Variants in ZNF407 observed in about 807,000 individuals in gnomAD.
ZNF407 encodes zinc finger protein 407.
In ZNF407, 17 loss-of-function variants were observed where a neutral mutation model predicts 131.2. The observed-to-expected ratio is 0.13, with a 90% confidence interval of 0.09 to 0.19. The LOEUF (loss-of-function observed/expected upper bound fraction) is 0.19. Ranked by LOEUF, ZNF407 falls within the 10% of genes least tolerant of loss-of-function variation. The pLI, the probability that ZNF407 is intolerant of heterozygous loss-of-function variation, is 1.00. For missense variants in ZNF407, 2,681 were observed against 2,830.6 expected, an observed-to-expected ratio of 0.95 and a Z score of 1.20; for synonymous variants, 1,156 against 1,062.0, an observed-to-expected ratio of 1.09 and a Z score of -1.72.
chr18:74,686,094 A>T lies in ZNF407; in HGVS notation c.4802+44972A>T, dbSNP rs527640229. 5.9e-5 allele frequency among the ~76,000 whole-genome samples: 9 copies of T among 152,342 alleles called. No homozygotes were observed. In the East Asian group the frequency reaches 1.7e-3, roughly 29 times the overall value. ...ATGGCTTCCATATAAATGAGCAGTA[A>T]GCCAGCCTTCCAGCCACTGTGCGAG... On this transcript the variant is annotated intron_variant, in intron 3 of 8. Coordinates refer to ENST00000299687, the MANE Select transcript of ZNF407 (RefSeq NM_017757.3).
At chr18:74,810,147 C>T (rs1265791469) in intron 4 of ZNF407, among the ~76,000 whole-genome samples, 1 of 152,100 alleles carries the variant, frequency 6.6e-6, no homozygotes, top group Admixed American at 6.6e-5. Context: ...GTAGAGCCCT[C>T]CACTGGGATC....
intron 8 of ZNF407, among the ~76,000 whole-genome samples, chr18:74,985,818 C>T (rs903963441): frequency 2.6e-5 from 4 of 152,128 alleles, no homozygotes; most frequent in South Asian, 2.1e-4. Context: ...AAATGGACCC[C>T]GTGGCCTTCC....
At chr18:74,988,580 C>CA (rs1972680921) in intron 8 of ZNF407, among the ~76,000 whole-genome samples, 1 of 151,296 alleles carries the variant, frequency 6.6e-6, no homozygotes, top group Non-Finnish European at 1.5e-5. Flanking sequence ...AAAAATAAGA[C>CA]AAAAACCCAA....
intron 7 of ZNF407, among the ~76,000 whole-genome samples, chr18:74,901,436 A>G (rs1248519320): frequency 6.6e-6 from 1 of 152,242 alleles, no homozygotes; most frequent in African/African-American, 2.4e-5. Flanking sequence ...AGATGGTAGA[A>G]ATAATCACCA....
chr18:74,622,389 C>G (rs1300003900), intron 1 of ZNF407, among the ~76,000 whole-genome samples: 1 of 152,246 alleles, frequency 6.6e-6, no homozygotes, highest in Admixed American at 6.5e-5. Flanking sequence ...GCAGCCATTG[C>G]CCTTGCAGCT....
chr18:74,799,003 T>C (rs1388529828), intron 4 of ZNF407, among the ~76,000 whole-genome samples: 1 of 152,134 alleles, frequency 6.6e-6, no homozygotes, highest in Non-Finnish European at 1.5e-5. Context: ...TATGGTGATG[T>C]AGTTAACATC....
intron 4 of ZNF407, among the ~76,000 whole-genome samples, chr18:74,811,224 A>G (rs548028176): frequency 3.9e-4 from 60 of 152,366 alleles, no homozygotes; most frequent in African/African-American, 1.3e-3. Context: ...GGACATAAGC[A>G]GACACTTCTC....
Position 74,826,908 on chromosome 18 carries a change from A to G in ZNF407, c.4877+45406A>G, listed in dbSNP as rs80169854. Among the ~76,000 whole-genome samples the G allele has an allele frequency of 6.4e-3, 974 of 152,322 alleles. 12 individuals carry two copies. The highest frequency in any genetic ancestry group is 0.019 in the African/African-American group (794 of 41,570). ...CTGAATGAATGTTTTTAGACTTTGTATTGAATCAGTTTTCAAATTATAGAA... is the reference window on the plus strand; with the variant it reads ...CTGAATGAATGTTTTTAGACTTTGTGTTGAATCAGTTTTCAAATTATAGAA... On this transcript the variant is annotated intron_variant, in intron 4 of 8. Transcript: ENST00000299687.
At chr18:74,692,965 C>G (rs955540191) in intron 3 of ZNF407, among the ~76,000 whole-genome samples, 1 of 152,210 alleles carries the variant, frequency 6.6e-6, no homozygotes, top group African/African-American at 2.4e-5. Context: ...GGTGGATTAT[C>G]TCAGTTTCCC....
At position 74,849,961 on chromosome 18, in the gene ZNF407, C is replaced by G. The variant is rs57594602; in HGVS notation, c.4878-27236C>G. Among the ~76,000 whole-genome samples the G allele has an allele frequency of 9.6e-3, 1,467 of 152,180 alleles. 28 individuals are homozygous for G. Among genetic ancestry groups the G allele is most frequent in the African/African-American group, 0.034 (1,416 of 41,510 alleles). On this transcript the variant is annotated intron_variant, in intron 4 of 8. Transcript: ENST00000299687. The stretch of plus-strand genomic sequence containing the variant: ...AACTTATTTTCATAAGGAGGCTAAT[C>G]CTTTCAGAAGAAAGCCTTTTGACTA...
At chr18:74,692,710 G>A (rs905964264) in intron 3 of ZNF407, among the ~76,000 whole-genome samples, 2 of 152,110 alleles carry the variant, frequency 1.3e-5, no homozygotes, top group African/African-American at 4.8e-5. Context: ...GTTAGAGGGT[G>A]TTTTCTTCTT....
At chr18:74,815,026 A>T (rs1275384184) in intron 4 of ZNF407, among the ~76,000 whole-genome samples, 1 of 150,536 alleles carries the variant, frequency 6.6e-6, no homozygotes, top group Non-Finnish European at 1.5e-5. Context: ...AATTGTTATT[A>T]TAAAGAAATA....
At chr18:74,914,859 A>G (rs1231947381) in intron 7 of ZNF407, among the ~76,000 whole-genome samples, 1 of 152,182 alleles carries the variant, frequency 6.6e-6, no homozygotes, top group Non-Finnish European at 1.5e-5. Flanking sequence ...GTGAATCCCC[A>G]GGGAAACTGC....
chr18:74,598,125 CGACACCCGCCCA>C (rs1982381059), intron 1 of ZNF407, 188 bp downstream of exon 1: 1 of 151,492 alleles, frequency 6.6e-6, no homozygotes, highest in South Asian at 2.1e-4. Flanking sequence ...CCTTCCTTCC[CGACACCCGCCCA>C]GACTCACGCC....
rs1281413771 is a variant in ZNF407 at position 75,048,957 on chromosome 18, G to A, written c.5429-14193G>A. On this transcript the variant is annotated intron_variant, in intron 8 of 8. Coordinates refer to ENST00000299687, the MANE Select transcript of ZNF407 (RefSeq NM_017757.3). This position sits in a 1 kb window ranked among gnomAD's most constrained non-coding sequence, Gnocchi z 4.1. ...GAATGGGCCTGGAGGGGACCCTTTT[G>A]TGGAGTCACCCTTGGCTGGCCTGGA... Among the ~76,000 whole-genome samples the A allele has an allele frequency of 2.0e-5, 3 of 152,176 alleles. No homozygotes were observed. The highest frequency in any genetic ancestry group is 4.4e-5 in the Non-Finnish European group (3 of 68,020).
chr18:74,756,181 A>G (rs905439393), intron 3 of ZNF407, among the ~76,000 whole-genome samples: 3 of 151,870 alleles, frequency 2.0e-5, no homozygotes, highest in Non-Finnish European at 4.4e-5. Flanking sequence ...CATGAGCCAC[A>G]GCGCCTGGCC....
intron 4 of ZNF407, among the ~76,000 whole-genome samples, chr18:74,851,173 C>T (rs1432357995): frequency 6.6e-6 from 1 of 152,274 alleles, no homozygotes; most frequent in Non-Finnish European, 1.5e-5. Context: ...ACTGATTATT[C>T]AAACGTCTTT....
At chr18:74,636,508 G>A (rs1315792645) in intron 2 of ZNF407, among the ~76,000 whole-genome samples, 2 of 152,136 alleles carry the variant, frequency 1.3e-5, no homozygotes, top group Non-Finnish European at 2.9e-5. Context: ...TTGAATTTAT[G>A]AGTGGATTTG....
chr18:74,705,662 T>C (rs562169440), intron 3 of ZNF407, among the ~76,000 whole-genome samples: 1 of 152,326 alleles, frequency 6.6e-6, no homozygotes, highest in South Asian at 2.1e-4. Context: ...AATTGGATTT[T>C]TTGTCCTTTA....
Sources: gnomAD v4.1 joint callset for allele counts (sites outside exome capture counted in the v4.1 genomes callset) on GRCh38, gnomAD v4.1.1 for gene constraint, Gnocchi (gnomAD v3.1) non-coding constraint, MANE v1.5 for transcripts, NCBI Gene and HGNC (gene_info 2026-07-23, HGNC 2026-07-21) for gene names.